LRRC4C: variants seen among roughly 807,000 people sequenced by gnomAD.
LRRC4C encodes the protein leucine rich repeat containing 4C, also known as leucine-rich repeat-containing protein 4C.
A neutral mutation model predicts 33.6 loss-of-function variants in LRRC4C; 5 were observed. The observed-to-expected ratio is 0.15, with a 90% CI of 0.08 to 0.31. The LOEUF is 0.31. LRRC4C is among the 10% of genes least tolerant of loss of function. LRRC4C has a pLI of 1.00. For missense variants in LRRC4C, 560 were observed against 796.7 expected (o/e 0.70, Z 3.58); for synonymous variants, 329 against 302.0 (o/e 1.09, Z -0.93).
chr11:41,084,475 A>G (rs1939807739), intron 1 of LRRC4C, among the ~76,000 whole-genome samples: 1 of 152,174 alleles, frequency 6.6e-6, no homozygotes, highest in Non-Finnish European at 1.5e-5. Context: ...TCTGTGACTG[A>G]TATTATTACT....
At chr11:41,411,059 A>C in intron 1 of LRRC4C, among the ~76,000 whole-genome samples, 1 of 151,380 alleles carries the variant, frequency 6.6e-6, no homozygotes, top group Non-Finnish European at 1.5e-5. Flanking sequence ...GTGTCAAAAG[A>C]CCAGAGATCT....
At chr11:40,939,502 T>C (rs976199619) in intron 1 of LRRC4C, among the ~76,000 whole-genome samples, 4 of 152,144 alleles carry the variant, frequency 2.6e-5, no homozygotes, top group African/African-American at 9.7e-5. Context: ...CCTGAATTCA[T>C]TCATTCATCT....
intron 2 of LRRC4C, among the ~76,000 whole-genome samples, chr11:40,797,988 A>AT (rs1950898704): frequency 6.6e-6 from 1 of 152,172 alleles, no homozygotes; most frequent in South Asian, 2.1e-4. Context: ...ATTATAAGAT[A>AT]TTTTTGCCAA....
intron 4 of LRRC4C, among the ~76,000 whole-genome samples, chr11:40,244,292 C>T (rs970995391): frequency 1.8e-4 from 28 of 151,950 alleles, no homozygotes; most frequent in African/African-American, 5.6e-4. Context: ...CCCACTTCAG[C>T]CCCCCATCTG....
intron 1 of LRRC4C, among the ~76,000 whole-genome samples, chr11:41,056,170 G>A (rs1371754536): frequency 6.6e-6 from 1 of 152,096 alleles, no homozygotes; most frequent in Non-Finnish European, 1.5e-5. Flanking sequence ...CTTCTTAGAG[G>A]AAGACACATT....
intron 1 of LRRC4C, among the ~76,000 whole-genome samples, chr11:41,037,231 A>T (rs1363528650): frequency 6.6e-6 from 1 of 151,602 alleles, no homozygotes; most frequent in African/African-American, 2.4e-5. Flanking sequence ...CTCCTGATTC[A>T]TGGTTGTCAC....
At chr11:40,596,682 G>T (rs985901494) in intron 3 of LRRC4C, among the ~76,000 whole-genome samples, 2 of 151,606 alleles carry the variant, frequency 1.3e-5, no homozygotes, top group Non-Finnish European at 2.9e-5. Flanking sequence ...AAAAATTTAA[G>T]TTCCTACATA....
intron 1 of LRRC4C, among the ~76,000 whole-genome samples, chr11:40,978,038 C>A (rs1437585701): frequency 1.3e-5 from 2 of 152,184 alleles, no homozygotes; most frequent in Non-Finnish European, 2.9e-5. Context: ...TATCTATCAC[C>A]AAACCCTGTA....
intron 2 of LRRC4C, among the ~76,000 whole-genome samples, chr11:40,873,656 C>T (rs796167425): frequency 2.0e-4 from 31 of 152,180 alleles, no homozygotes; most frequent in African/African-American, 7.0e-4. Context: ...TGATCAATAT[C>T]GATCTCCCAT....
chr11:40,414,703 T>G (rs16934817), intron 3 of LRRC4C, among the ~76,000 whole-genome samples: 9 of 152,118 alleles, frequency 5.9e-5, no homozygotes, highest in Non-Finnish European at 1.2e-4. Context: ...TTTTGGAACT[T>G]GATTCATGTG....
intron 1 of LRRC4C, among the ~76,000 whole-genome samples, chr11:41,012,112 T>C (rs1468759002): frequency 6.6e-6 from 1 of 152,052 alleles, no homozygotes. Flanking sequence ...TTCTACCTAT[T>C]TTGAAATGTA....
chr11:40,623,451 T>G (rs188072767), intron 3 of LRRC4C, among the ~76,000 whole-genome samples: 1 of 152,046 alleles, frequency 6.6e-6, no homozygotes, highest in Admixed American at 6.6e-5. Context: ...GCTATGAAAA[T>G]AATTTTTTGG....
intron 6 of LRRC4C, among the ~76,000 whole-genome samples, chr11:40,135,560 T>A (rs574955110): frequency 3.9e-5 from 6 of 152,334 alleles, no homozygotes; most frequent in African/African-American, 1.4e-4. Context: ...CCTTATGGTA[T>A]CATAATGGGA....
At chr11:40,851,210 G>T (rs566798358) in intron 2 of LRRC4C, among the ~76,000 whole-genome samples, 1 of 152,224 alleles carries the variant, frequency 6.6e-6, no homozygotes, top group South Asian at 2.1e-4. Flanking sequence ...AGCTAGCTTG[G>T]CTTCTGCCCA....
intron 3 of LRRC4C, among the ~76,000 whole-genome samples, chr11:40,371,760 T>C (rs1162186726): frequency 1.3e-5 from 2 of 152,156 alleles, no homozygotes; most frequent in African/African-American, 4.8e-5. Context: ...GGATAGAATA[T>C]ATCCAAAATG....
chr11:40,499,377 T>C (rs1272924325), intron 3 of LRRC4C, among the ~76,000 whole-genome samples: 2 of 152,192 alleles, frequency 1.3e-5, no homozygotes, highest in East Asian at 3.9e-4. Flanking sequence ...AAGTATCATA[T>C]GGAAACCATC....
chr11:40,560,792 G>A (rs1957518055), intron 3 of LRRC4C, among the ~76,000 whole-genome samples: 1 of 152,114 alleles, frequency 6.6e-6, no homozygotes, highest in African/African-American at 2.4e-5. Context: ...AAGTGGTGAA[G>A]GAGTAAGAGC....
chr11:40,575,043 G>T (rs75747518), intron 3 of LRRC4C, among the ~76,000 whole-genome samples: 13,669 of 152,224 alleles, frequency 0.09, 786 homozygotes, highest in Middle Eastern at 0.15. Flanking sequence ...GAGAGCCTCA[G>T]CAGGTTCACC....
chr11:40,523,886 T>G (rs1004588767), intron 3 of LRRC4C, among the ~76,000 whole-genome samples: 1 of 152,216 alleles, frequency 6.6e-6, no homozygotes, highest in Non-Finnish European at 1.5e-5. Flanking sequence ...CTCTCAGACT[T>G]TAGGAATCAA....
Sources: allele counts gnomAD v4.1 joint callset (sites outside exome capture counted in the v4.1 genomes callset), GRCh38; gene constraint gnomAD v4.1.1; transcripts MANE v1.5; gene names NCBI Gene and HGNC (gene_info 2026-07-23, HGNC 2026-07-21).